Variants in SAMD5 observed in about 807,000 individuals in gnomAD.
SAMD5 encodes the protein sterile alpha motif domain-containing protein 5.
SAMD5 carries 13 observed loss-of-function variants against 11.3 expected under a neutral mutation model. That is an observed-to-expected ratio of 1.15 (90% CI 0.75 to 1.83). The LOEUF is 1.83. Among genes scored for constraint, SAMD5 ranks in the 40% most tolerant of loss-of-function variants. The pLI, the probability that SAMD5 is intolerant of heterozygous loss-of-function variation, is 0.00. For missense variants in SAMD5, 255 were observed against 239.1 expected, an observed-to-expected ratio of 1.07 and a Z score of -0.44; for synonymous variants, 129 against 111.3, an observed-to-expected ratio of 1.16 and a Z score of -1.00.
the SAMD5 span, among the ~76,000 whole-genome samples, chr6:147,950,999 C>G: frequency 6.6e-6 from 1 of 151,008 alleles, no homozygotes; most frequent in Non-Finnish European, 1.5e-5. Flanking sequence ...ATTCTAAGAT[C>G]TAGTAGCCAG....
chr6:147,951,868 C>A, the SAMD5 span, among the ~76,000 whole-genome samples: 1 of 152,160 alleles, frequency 6.6e-6, no homozygotes, highest in Non-Finnish European at 1.5e-5. Flanking sequence ...TCTTAAGACT[C>A]TTAATGTGTA....
intron 1 of SAMD5, among the ~76,000 whole-genome samples, chr6:147,593,492 T>G (rs778991031): frequency 7.2e-5 from 11 of 152,136 alleles, no homozygotes; most frequent in Non-Finnish European, 1.2e-4. Context: ...GTTTGGTCAA[T>G]AAATTTGGTA....
intron 1 of SAMD5, among the ~76,000 whole-genome samples, chr6:147,527,654 C>T (rs538751515): frequency 6.6e-6 from 1 of 152,246 alleles, no homozygotes; most frequent in East Asian, 1.9e-4. Context: ...TCCCCAAAGT[C>T]TTAACTCATT....
rs13220496 is a variant in SAMD5, at chr6:147,597,965, C to T, written c.162+88578C>T. ...CCCCAGCCCTGCACAGCTGCTCCTT[C>T]GGATGGCTCCCTCCTTCCTGGTGCC... is the stretch of plus-strand genomic sequence containing the variant. On this transcript the variant is annotated intron_variant, in intron 1 of 1. Coordinates refer to the SAMD5 transcript ENST00000566741. Among the ~76,000 whole-genome samples, 1,491 of 152,280 alleles carry T rather than the reference C, an allele frequency of 9.8e-3. 8 individuals carry two copies. The highest frequency in any genetic ancestry group is 0.011 in the Non-Finnish European group (763 of 68,012).
At chr6:147,847,337 C>A in the SAMD5 span, among the ~76,000 whole-genome samples, 5 of 152,158 alleles carry the variant, frequency 3.3e-5, no homozygotes, top group African/African-American at 1.2e-4. Flanking sequence ...AAGTACACCA[C>A]GCACGTTGTT....
At chr6:147,695,487 A>T (rs1057357085) in intron 1 of SAMD5, among the ~76,000 whole-genome samples, 4 of 152,336 alleles carry the variant, frequency 2.6e-5, no homozygotes, top group African/African-American at 9.6e-5. Flanking sequence ...GTGGATCAGG[A>T]TATTAAATAA....
chr6:147,515,413 CCA>C (rs1788152978), intron 1 of SAMD5, among the ~76,000 whole-genome samples: 2 of 48,044 alleles, frequency 4.2e-5, no homozygotes, highest in African/African-American at 8.7e-4. Flanking sequence ...TTCCATTTAT[CCA>C]TCCGTCTTCC....
At chr6:147,752,832 T>C in the SAMD5 span, among the ~76,000 whole-genome samples, 9 of 152,298 alleles carry the variant, frequency 5.9e-5, no homozygotes, top group African/African-American at 2.2e-4. Flanking sequence ...CACTCTGCAC[T>C]TAAGCATTTC....
intron 1 of SAMD5, among the ~76,000 whole-genome samples, chr6:147,693,877 G>C (rs1294711772): frequency 6.6e-6 from 1 of 152,180 alleles, no homozygotes; most frequent in Non-Finnish European, 1.5e-5. Flanking sequence ...GCTGAGGCAG[G>C]AGAATCGCTT....
the SAMD5 span, among the ~76,000 whole-genome samples, chr6:147,768,296 G>A: frequency 9.9e-5 from 15 of 152,120 alleles, no homozygotes; most frequent in Non-Finnish European, 1.5e-4. Flanking sequence ...TCAGGAGTTC[G>A]AAACCAGCCT....
At chr6:147,693,014 A>G (rs1252507335) in intron 1 of SAMD5, among the ~76,000 whole-genome samples, 1 of 152,202 alleles carries the variant, frequency 6.6e-6, no homozygotes, top group Non-Finnish European at 1.5e-5. Flanking sequence ...TTTTTAATCA[A>G]TTGAAGGACT....
chr6:147,588,766 A>G (rs994642371), intron 1 of SAMD5, among the ~76,000 whole-genome samples: 4 of 152,112 alleles, frequency 2.6e-5, no homozygotes, highest in Non-Finnish European at 4.4e-5. Context: ...CTTACTTATT[A>G]TAAGGATCAC....
chr6:147,635,390 T>C (rs1188243382), intron 1 of SAMD5, among the ~76,000 whole-genome samples: 1 of 152,222 alleles, frequency 6.6e-6, no homozygotes, highest in Non-Finnish European at 1.5e-5. Context: ...GCAGGACCTA[T>C]TAATATCACC....
chr6:147,848,680 T>C, the SAMD5 span, among the ~76,000 whole-genome samples: 1 of 152,156 alleles, frequency 6.6e-6, no homozygotes, highest in Non-Finnish European at 1.5e-5. Flanking sequence ...TGCCTAGAAA[T>C]GTTGTGATAA....
At chr6:147,677,693 C>T (rs1357629) in intron 1 of SAMD5, among the ~76,000 whole-genome samples, 109,493 of 151,772 alleles carry the variant, frequency 0.72, 39,755 homozygotes, top group Admixed American at 0.78. Context: ...CCAGGGATGG[C>T]GGGCGGGGGC....
At chr6:147,703,435 C>A (rs1384469907) in intron 1 of SAMD5, among the ~76,000 whole-genome samples, 1 of 152,140 alleles carries the variant, frequency 6.6e-6, no homozygotes. Context: ...TTCATTTGGT[C>A]CCTATTGTTT....
At chr6:147,603,507 A>G (rs1224369713) in intron 1 of SAMD5, among the ~76,000 whole-genome samples, 2 of 152,300 alleles carry the variant, frequency 1.3e-5, no homozygotes, top group Non-Finnish European at 2.9e-5. Context: ...CTAGTTAGAA[A>G]CTGACAATAG....
the SAMD5 span, among the ~76,000 whole-genome samples, chr6:147,760,369 A>G: frequency 4.2e-4 from 64 of 152,208 alleles, no homozygotes; most frequent in African/African-American, 1.5e-3. Context: ...ATGTTTGATT[A>G]TTTTTTTGAC....
intron 1 of SAMD5, among the ~76,000 whole-genome samples, chr6:147,537,205 G>A (rs1279562222): frequency 3.3e-5 from 5 of 152,028 alleles, no homozygotes; most frequent in East Asian, 1.9e-4. Context: ...ACCAAAGAAC[G>A]CTAAACGCCG....
Sources: gnomAD v4.1 joint callset for allele counts (sites outside exome capture counted in the v4.1 genomes callset) on GRCh38, gnomAD v4.1.1 for gene constraint, MANE v1.5 for transcripts, NCBI Gene and HGNC (gene_info 2026-07-23, HGNC 2026-07-21) for gene names.